Variants in FSHR observed in about 807,000 individuals in gnomAD.
FSHR encodes follicle stimulating hormone receptor, also known as follicle-stimulating hormone receptor.
In FSHR, 46 loss-of-function variants were observed where a neutral mutation model predicts 52.1. The observed-to-expected ratio is 0.88, with a 90% confidence interval of 0.70 to 1.13. The LOEUF is 1.13. FSHR is among the 50% of genes most tolerant of loss of function. The probability of loss-of-function intolerance (pLI) is 0.00; values close to 1 mark genes in which losing one functional copy is unlikely to be tolerated. For synonymous variants in FSHR, 399 were observed against 309.6 expected, an observed-to-expected ratio of 1.29 and a Z score of -3.03; for missense variants, 964 against 834.6, an observed-to-expected ratio of 1.16 and a Z score of -1.91.
chr2:49,078,350 T>A (rs1218888722), intron 1 of FSHR, among the ~76,000 whole-genome samples: 1 of 152,140 alleles, frequency 6.6e-6, no homozygotes, highest in Non-Finnish European at 1.5e-5. Context: ...CCTGCCCTCA[T>A]GATTCAATTA....
At chr2:49,023,923 A>C (rs2104234614) in intron 2 of FSHR, among the ~76,000 whole-genome samples, 1 of 152,174 alleles carries the variant, frequency 6.6e-6, no homozygotes, top group East Asian at 1.9e-4. Flanking sequence ...TCAAATATAC[A>C]AGTACATTTG....
At chr2:49,088,778 A>T (rs1670492538) in intron 1 of FSHR, among the ~76,000 whole-genome samples, 1 of 152,124 alleles carries the variant, frequency 6.6e-6, no homozygotes, top group African/African-American at 2.4e-5. Context: ...GAGTCCATGA[A>T]CTCTGGCTGA....
intron 4 of FSHR, among the ~76,000 whole-genome samples, chr2:49,010,857 G>C (rs1278296063): frequency 6.6e-6 from 1 of 152,150 alleles, no homozygotes; most frequent in Admixed American, 6.5e-5. Context: ...TTGTATTTCT[G>C]TGGGATCGGT....
intron 4 of FSHR, among the ~76,000 whole-genome samples, chr2:49,009,401 C>T (rs1192660103): frequency 3.3e-5 from 5 of 151,884 alleles, no homozygotes; most frequent in African/African-American, 9.7e-5. Flanking sequence ...TGTTTTGGTA[C>T]GAGTACCATG....
intron 1 of FSHR, among the ~76,000 whole-genome samples, chr2:49,131,694 G>A (rs1672286075): frequency 6.6e-6 from 1 of 152,108 alleles, no homozygotes; most frequent in Non-Finnish European, 1.5e-5. Context: ...CTCAAGCACT[G>A]TACTTGGCAC....
intron 4 of FSHR, among the ~76,000 whole-genome samples, chr2:48,993,389 T>G (rs1675872354): frequency 6.6e-6 from 1 of 152,194 alleles, no homozygotes; most frequent in African/African-American, 2.4e-5. Context: ...ACAGTTAAAG[T>G]TGGCTTGGCT....
chr2:49,068,992 C>A (rs1669623054), intron 1 of FSHR, among the ~76,000 whole-genome samples: 1 of 152,146 alleles, frequency 6.6e-6, no homozygotes, highest in East Asian at 1.9e-4. Flanking sequence ...TGTCTCTCAT[C>A]TCATCTAAAA....
intron 1 of FSHR, among the ~76,000 whole-genome samples, chr2:49,113,597 TCTTTTA>T (rs1025412167): frequency 6.6e-6 from 1 of 152,232 alleles, no homozygotes; most frequent in Non-Finnish European, 1.5e-5. Flanking sequence ...TGCATTTTTC[TCTTTTA>T]CTTTAACCCG....
In FSHR at chr2:48,963,835, G is replaced by A. The variant is rs780433226; in HGVS notation, c.986C>T (p.Thr329Met). ...ESSYSRGFDM[T>M]YTEFDYDLCN... ...TAAGTCATAGTCAAACTCAGTGTACGTCATGTCAAATCCTCTGCTGTAGCT... is the reference window on the plus strand; with the variant it reads ...TAAGTCATAGTCAAACTCAGTGTACATCATGTCAAATCCTCTGCTGTAGCT... The change falls in exon 10 of 10, where the codon ACG (threonine) becomes ATG (methionine). Residue 329 changes from threonine (T) to methionine (M), a missense_variant. Physicochemically the swap from Thr to Met is moderately conservative, Grantham distance 81. Transcript: ENST00000406846. 25 of 1,613,992 alleles carry A rather than the reference G, an allele frequency of 1.5e-5. No individual in the cohort carries two copies. Among genetic ancestry groups the A allele is most frequent in the Middle Eastern group, 1.6e-4 (1 of 6,084 alleles).
intron 1 of FSHR, among the ~76,000 whole-genome samples, chr2:49,133,715 A>G (rs914751618): frequency 6.6e-6 from 1 of 152,194 alleles, no homozygotes; most frequent in African/African-American, 2.4e-5. Context: ...TGATACCAAA[A>G]CAGAGATATA....
chr2:49,120,459 T>C (rs575309304), intron 1 of FSHR, among the ~76,000 whole-genome samples: 4 of 152,290 alleles, frequency 2.6e-5, no homozygotes, highest in African/African-American at 9.6e-5. Flanking sequence ...TCTTTTGTAG[T>C]TGGATGACAC....
At chr2:49,130,697 G>A (rs1672233307) in intron 1 of FSHR, among the ~76,000 whole-genome samples, 1 of 152,040 alleles carries the variant, frequency 6.6e-6, no homozygotes, top group Non-Finnish European at 1.5e-5. Context: ...TATCCCTCAG[G>A]GGCTTAAGGG....
At chr2:48,992,552 C>T (rs915015968) in intron 4 of FSHR, among the ~76,000 whole-genome samples, 4 of 152,108 alleles carry the variant, frequency 2.6e-5, no homozygotes, top group East Asian at 1.9e-4. Flanking sequence ...TTCAGCGATA[C>T]GAAGTTAAAA....
intron 6 of FSHR, among the ~76,000 whole-genome samples, chr2:48,987,213 T>C (rs1426043432): frequency 6.6e-6 from 1 of 151,904 alleles, no homozygotes; most frequent in Non-Finnish European, 1.5e-5. Context: ...TTTATTATTA[T>C]TACTTTTTGA....
At chr2:48,986,977 T>A (rs1573050148) in intron 6 of FSHR, among the ~76,000 whole-genome samples, 1 of 152,224 alleles carries the variant, frequency 6.6e-6, no homozygotes, top group East Asian at 1.9e-4. Flanking sequence ...TGCCATATTA[T>A]AACATTCATT....
At chr2:49,014,117 G>A (rs185156391) in intron 4 of FSHR, among the ~76,000 whole-genome samples, 16 of 152,222 alleles carry the variant, frequency 1.1e-4, no homozygotes, top group Non-Finnish European at 1.9e-4. Context: ...TATTGTTTAA[G>A]CTACACAAGC....
intron 2 of FSHR, among the ~76,000 whole-genome samples, chr2:49,030,661 C>A (rs1170810055): frequency 6.6e-6 from 1 of 152,136 alleles, no homozygotes; most frequent in Non-Finnish European, 1.5e-5. Flanking sequence ...GAATGTAGCA[C>A]CCTTATGAGT....
chr2:49,010,017 A>G (rs1401755431), intron 4 of FSHR, among the ~76,000 whole-genome samples: 1 of 109,910 alleles, frequency 9.1e-6, no homozygotes, highest in African/African-American at 2.8e-5. Flanking sequence ...AATACCCTTT[A>G]TTTCCTTCTC....
intron 1 of FSHR, among the ~76,000 whole-genome samples, chr2:49,093,698 G>A (rs931658863): frequency 4.0e-5 from 6 of 150,478 alleles, no homozygotes; most frequent in South Asian, 4.2e-4. Flanking sequence ...GGGTTCAAGC[G>A]ATCCTCCCGC....
Sources: allele counts gnomAD v4.1 joint callset (sites outside exome capture counted in the v4.1 genomes callset), GRCh38; gene constraint gnomAD v4.1.1; transcripts MANE v1.5; gene names NCBI Gene and HGNC (gene_info 2026-07-23, HGNC 2026-07-21).